Variants in DSCAML1 observed in about 807,000 individuals in gnomAD.
The protein encoded by DSCAML1 is cell adhesion molecule DSCAML1.
DSCAML1 carries 38 observed loss-of-function variants against 200.5 expected under a neutral mutation model. That is an observed-to-expected ratio of 0.19 (90% CI 0.15 to 0.25). The LOEUF is 0.25. Ranked by LOEUF, DSCAML1 falls within the 10% of genes least tolerant of loss-of-function variation. The probability of loss-of-function intolerance (pLI) is 1.00; values close to 1 mark genes in which losing one functional copy is unlikely to be tolerated. For synonymous variants in DSCAML1, 1,215 were observed against 1,165.0 expected, an observed-to-expected ratio of 1.04 and a Z score of -0.87; for missense variants, 2,223 against 2,858.8, an observed-to-expected ratio of 0.78 and a Z score of 5.07.
chr11:117,524,020 T>A (rs2049928592), intron 5 of DSCAML1, among the ~76,000 whole-genome samples: 1 of 152,174 alleles, frequency 6.6e-6, no homozygotes, highest in Non-Finnish European at 1.5e-5. Context: ...TGAGGCTGGG[T>A]CACACAGGAG....
At chr11:117,695,315 C>CTTTTTTTTTTTTTTTTTTTTTTTTTTTTT (rs753748981) in intron 3 of DSCAML1, among the ~76,000 whole-genome samples, 3 of 116,696 alleles carry the variant, frequency 2.6e-5, no homozygotes, top group African/African-American at 6.4e-5. Flanking sequence ...CTTTCTTTTT[C>CTTTTTTTTTTTTTTTTTTTTTTTTTTTTT]TTTTTTTTTT....
chr11:117,566,976 CATT>C (rs749609699), intron 3 of DSCAML1, among the ~76,000 whole-genome samples: 14 of 152,020 alleles, frequency 9.2e-5, no homozygotes, highest in Non-Finnish European at 1.6e-4. Context: ...TCCAGTCTAT[CATT>C]GTTGGACATT....
chr11:117,543,503 G>A (rs1475065169), intron 3 of DSCAML1, among the ~76,000 whole-genome samples: 1 of 152,158 alleles, frequency 6.6e-6, no homozygotes, highest in Non-Finnish European at 1.5e-5. Flanking sequence ...GTACCTGTTG[G>A]GTACACTTGC....
At chr11:117,547,129 C>A (rs562240034) in intron 3 of DSCAML1, among the ~76,000 whole-genome samples, 2 of 152,252 alleles carry the variant, frequency 1.3e-5, no homozygotes, top group South Asian at 4.2e-4. Context: ...TAACAGGGTG[C>A]TGAAATAAGC....
intron 3 of DSCAML1, among the ~76,000 whole-genome samples, chr11:117,631,326 C>T (rs71480346): frequency 0.1 from 15,594 of 152,268 alleles, 896 homozygotes; most frequent in African/African-American, 0.13. Context: ...GACACAGGGC[C>T]TGTTGGACCC....
At chr11:117,513,868 G>A (rs1418499808) in intron 8 of DSCAML1, among the ~76,000 whole-genome samples, 1 of 152,134 alleles carries the variant, frequency 6.6e-6, no homozygotes, top group Admixed American at 6.5e-5. Context: ...TGTGATGGGT[G>A]TTGGGCACAC....
chr11:117,430,218 C>G (rs1015713357), intron 32 of DSCAML1, among the ~76,000 whole-genome samples: 34 of 152,198 alleles, frequency 2.2e-4, no homozygotes, highest in Non-Finnish European at 4.3e-4. Context: ...TCACTGCCTA[C>G]TGAGAGGTAT....
At chr11:117,813,258 T>C (rs149424354) in intron 1 of DSCAML1, among the ~76,000 whole-genome samples, 2,342 of 152,340 alleles carry the variant, frequency 0.015, 56 homozygotes, top group African/African-American at 0.053. Flanking sequence ...CCTGTATAGA[T>C]GCTCCTTTTT....
chr11:117,713,517 C>G (rs1565889649), intron 3 of DSCAML1, among the ~76,000 whole-genome samples: 1 of 152,204 alleles, frequency 6.6e-6, no homozygotes, highest in Non-Finnish European at 1.5e-5. Context: ...AAGCCTTACT[C>G]TGTGGAATGA....
intron 3 of DSCAML1, among the ~76,000 whole-genome samples, chr11:117,603,087 C>G (rs1433653118): frequency 1.3e-5 from 2 of 152,074 alleles, no homozygotes; most frequent in East Asian, 3.9e-4. Flanking sequence ...AAAGTGAGAC[C>G]CTGTCCCAAC....
chr11:117,459,186 G>A (rs545142916), intron 18 of DSCAML1, among the ~76,000 whole-genome samples: 5 of 152,322 alleles, frequency 3.3e-5, no homozygotes, highest in African/African-American at 9.6e-5. Context: ...ACCTTGACAC[G>A]CTCTTTAAAA....
At chr11:117,567,549 A>G (rs2050779326) in intron 3 of DSCAML1, among the ~76,000 whole-genome samples, 1 of 152,168 alleles carries the variant, frequency 6.6e-6, no homozygotes, top group Non-Finnish European at 1.5e-5. Context: ...CTCTGATGGT[A>G]GTTTCTTTTG....
rs888379531 is a variant in DSCAML1, at chr11:117,633,413, C to T, written c.512-100891G>A. 3.3e-5 allele frequency among the ~76,000 whole-genome samples: 5 copies of T among 152,208 alleles called. No homozygotes were observed. The East Asian group carries it at 5.8e-4, about 18-fold the overall frequency. ...GCTAAATCCAGCCTTTGCTCCCTGT[C>T]AACACAGAAAGAGGGCTCTGAGTGC... On this transcript the variant is annotated intron_variant, in intron 3 of 32. Transcript: ENST00000651296.
intron 21 of DSCAML1, among the ~76,000 whole-genome samples, chr11:117,442,424 AATGT>A (rs949884991): frequency 1.5e-4 from 23 of 150,212 alleles, no homozygotes; most frequent in African/African-American, 4.7e-4. Context: ...TATGTGCGTA[AATGT>A]ATGTGTGGGT....
intron 3 of DSCAML1, among the ~76,000 whole-genome samples, chr11:117,726,252 TGTGTGTGTGTGTGC>T (rs1474770149): frequency 4.5e-5 from 6 of 132,504 alleles, no homozygotes; most frequent in South Asian, 4.5e-4. Flanking sequence ...TGTGTATCTC[TGTGTGTGTGTGTGC>T]GTGTGTGTGT....
chr11:117,545,234 AACACACACACACACAC>A (rs758060622), intron 3 of DSCAML1, among the ~76,000 whole-genome samples: 2 of 143,404 alleles, frequency 1.4e-5, no homozygotes, highest in Non-Finnish European at 3.0e-5. Flanking sequence ...CGTAAAAAAA[AACACACACACACACAC>A]ACACACACAC....
In DSCAML1 at chr11:117,481,199, C is replaced by G. The variant is rs767057810; in HGVS notation, c.2631G>C (p.Arg877=). The change falls in exon 13 of 33, where the codon CGG becomes CGC. Residue 877 remains arginine, a synonymous_variant. Transcript: ENST00000651296. ...CHAINSYGED[R]GLIQLTVQEP... ...CTTGCACAGTGAGTTGGATCAAGCC[C>G]CGGTCCTCCCCATACGAGTTGATGG... 1.2e-6 allele frequency: 2 copies of G among 1,613,866 alleles called. No individual in the cohort carries two copies. Among genetic ancestry groups the G allele is most frequent in the Non-Finnish European group, 1.7e-6 (2 of 1,179,974 alleles).
intron 3 of DSCAML1, among the ~76,000 whole-genome samples, chr11:117,741,133 T>C (rs1393090319): frequency 6.6e-6 from 1 of 152,258 alleles, no homozygotes; most frequent in Non-Finnish European, 1.5e-5. Context: ...ACCAGAGATT[T>C]GTGCCTCTCC....
At chr11:117,726,078 A>C (rs1201520395) in intron 3 of DSCAML1, among the ~76,000 whole-genome samples, 1 of 152,236 alleles carries the variant, frequency 6.6e-6, no homozygotes, top group Non-Finnish European at 1.5e-5. Context: ...AGGGCACCGC[A>C]GCCATAGGAC....
Sources: allele counts gnomAD v4.1 joint callset (sites outside exome capture counted in the v4.1 genomes callset), GRCh38; gene constraint gnomAD v4.1.1; transcripts MANE v1.5; gene names NCBI Gene and HGNC (gene_info 2026-07-23, HGNC 2026-07-21).